Variants in CASP1 observed in about 807,000 individuals in gnomAD.
The protein encoded by CASP1 is caspase-1.
In CASP1, 31 loss-of-function variants were observed where a neutral mutation model predicts 41.2. That is an observed-to-expected ratio of 0.75 (90% CI 0.57 to 1.02). The LOEUF is 1.02. CASP1 is among the 50% of genes least tolerant of loss of function. The pLI, the probability that CASP1 is intolerant of heterozygous loss-of-function variation, is 0.00. For missense variants in CASP1, 490 were observed against 495.7 expected (o/e 0.99, Z 0.11); for synonymous variants, 163 against 166.5 (o/e 0.98, Z 0.16).
Position 105,034,975 on chromosome 11 carries a change from C to G in CASP1, c.7+132G>C, listed in dbSNP as rs183895258. On this transcript the variant is annotated intron_variant, in intron 1 of 8. Transcript: ENST00000533400. ...AGAATCTTCTAGTTCCTTCTCTCCTCCCTCTCCCCCCTTTTCCTTGCTTCT... is the reference window on the plus strand; with the variant it reads ...AGAATCTTCTAGTTCCTTCTCTCCTGCCTCTCCCCCCTTTTCCTTGCTTCT... 8.5e-6 allele frequency: 10 copies of G among 1,177,790 alleles called. No homozygotes were observed. The Admixed American group carries it at 1.1e-4, about 13-fold the overall frequency. 73.0% of individuals were successfully genotyped at this position (1,177,790 alleles called of 1,614,324 possible). A position where few individuals can be genotyped will look rare whatever the true frequency, so the allele number is the denominator to read the frequency against.
At chr11:105,032,933 T>C in intron 3 of CASP1, 131 bp downstream of exon 3, 1 of 632,796 alleles carries the variant, frequency 1.6e-6, no homozygotes, top group Non-Finnish European at 2.8e-6. Context: ...GCAGAATAGA[T>C]TACAAAAAGA....
chr11:105,027,589 G>A (rs987429959), intron 7 of CASP1, among the ~76,000 whole-genome samples: 1 of 152,144 alleles, frequency 6.6e-6, no homozygotes, highest in Middle Eastern at 3.4e-3. Flanking sequence ...TAAGAGAAAA[G>A]CAGCAGCAAT....
At chr11:105,027,864 A>G (rs1810650207) in intron 7 of CASP1, among the ~76,000 whole-genome samples, 1 of 152,118 alleles carries the variant, frequency 6.6e-6, no homozygotes, top group Admixed American at 6.6e-5. Context: ...TGGGATTGGC[A>G]CAGCAGAATG....
At chr11:105,031,319 T>G in intron 3 of CASP1, 39 bp from the exon 4 acceptor site, 1 of 1,193,960 alleles carries the variant, frequency 8.4e-7, no homozygotes, top group Non-Finnish European at 1.2e-6. Context: ...GTGGCATCCC[T>G]GTTTGTTCCA....
intron 3 of CASP1, 97 bp downstream of exon 3, chr11:105,032,966 GA>G: frequency 1.4e-6 from 1 of 735,150 alleles, no homozygotes. Context: ...CAATCTATGA[GA>G]ATTCTCCATA....
chr11:105,031,035 T>G, intron 4 of CASP1, 130 bp downstream of exon 4: 1 of 630,796 alleles, frequency 1.6e-6, no homozygotes, highest in South Asian at 1.9e-5. Context: ...ATCCTTTATG[T>G]AAGGGGAGCA....
At position 105,033,647 on chromosome 11, in the gene CASP1, C is replaced by T. The variant is rs537645619; in HGVS notation, c.275-521G>A. 2.6e-5 allele frequency among the ~76,000 whole-genome samples: 4 copies of T among 152,258 alleles called. No homozygotes were observed. The South Asian group carries it at 8.3e-4, about 32-fold the overall frequency. ...GGTAACAGGCAACCAGGTGATCTTA[C>T]TCAAAGAAAATACAAGGAGGCAACT... On this transcript the variant is annotated intron_variant, in intron 2 of 8. Coordinates refer to ENST00000533400, the MANE Select transcript of CASP1 (RefSeq NM_001257118.3).
Position 105,030,457 on chromosome 11 carries a change from A to G in CASP1, c.500T>C (p.Ile167Thr). ...DKSSRTRLALIICNEEFDSIP... is the reference protein window; with the variant it reads ...DKSSRTRLALTICNEEFDSIP... ...ACTGTCAAATTCTTCATTGCAGATA[A>G]TGAGAGCAAGACGTGTGCGGCTTGA... The change falls in exon 5 of 9, where the codon ATT becomes ACT. Residue 167 changes from isoleucine to threonine, a missense_variant. Physicochemically the swap from Ile to Thr is moderately conservative, Grantham distance 89. Transcript: ENST00000533400. 2.5e-6 allele frequency: 4 copies of G among 1,613,626 alleles called. No individual in the cohort carries two copies. Among genetic ancestry groups the G allele is most frequent in the Non-Finnish European group, 3.4e-6 (4 of 1,179,652 alleles).
In CASP1 at chr11:105,029,702, G is replaced by T. The variant is rs1863552681; in HGVS notation, c.825C>A (p.Asp275Glu). Residue 275 changes from aspartate to glutamate, a missense_variant, in exon 6 of 9, where the codon GAC becomes GAA. Asp to Glu is a conservative substitution (Grantham distance 45, BLOSUM62 2). Coordinates refer to ENST00000533400, the MANE Select transcript of CASP1 (RefSeq NM_001257118.3). ...LNTKNCPSLK[D>E]KPKVIIIQAC... ...CCTGGATGATGATCACCTTCGGTTT[G>T]TCCTTCAAACTTGGGCAGTTCTTGG... 7 of 1,613,584 alleles carry T rather than the reference G, an allele frequency of 4.3e-6. No individual in the cohort carries two copies. The highest frequency in any genetic ancestry group is 5.9e-6 in the Non-Finnish European group (7 of 1,179,660).
Position 105,034,424 on chromosome 11 carries a change from C to T in CASP1, c.58G>A (p.Gly20Ser). ...TCATCCAGTAAGCCATTTATTGTAC[C>T]TTCACCCATGGAACGGATAAACAGC... ...RKLFIRSMGE[G>S]TINGLLDELL... The change falls in exon 2 of 9, where the codon GGT (glycine) becomes AGT (serine). Residue 20 changes from glycine to serine, a missense_variant. Transcript: ENST00000533400. 2.5e-6 allele frequency: 4 copies of T among 1,614,140 alleles called. No homozygotes were observed. The highest frequency in any genetic ancestry group is 2.7e-5 in the African/African-American group (2 of 75,026).
At chr11:105,032,302 G>GA (rs558564511) in intron 3 of CASP1, among the ~76,000 whole-genome samples, 58 of 152,040 alleles carry the variant, frequency 3.8e-4, no homozygotes, top group African/African-American at 1.4e-3. Context: ...GAAAACAATA[G>GA]AAAAAAACTA....
At chr11:105,031,778 C>A (rs541582810) in intron 3 of CASP1, among the ~76,000 whole-genome samples, 2 of 152,058 alleles carry the variant, frequency 1.3e-5, no homozygotes, top group Non-Finnish European at 2.9e-5. Flanking sequence ...TTTAATGAAT[C>A]TTTGTCCTGT....
intron 8 of CASP1, chr11:105,026,587 A>T (rs1863303593): frequency 1.7e-6 from 1 of 600,874 alleles, no homozygotes; most frequent in Admixed American, 3.0e-5. Flanking sequence ...GACACAGGTA[A>T]ATTAGAGTCC....
At chr11:105,027,506 T>G (rs1444399659) in intron 7 of CASP1, among the ~76,000 whole-genome samples, 2 of 151,848 alleles carry the variant, frequency 1.3e-5, no homozygotes, top group Non-Finnish European at 2.9e-5. Context: ...AGAGAAATAT[T>G]AAAGAAAAAT....
rs539454017 is a variant in CASP1 at position 105,025,996 on chromosome 11, T to C, written c.*262A>G. 3.5e-4 allele frequency: 133 copies of C among 376,044 alleles called. No individual in the cohort carries two copies. The highest frequency in any genetic ancestry group is 5.4e-4 in the Non-Finnish European group (111 of 207,232). 23.3% of individuals were successfully genotyped at this position (376,044 alleles called of 1,614,324 possible). On this transcript the variant is annotated 3_prime_UTR_variant, in exon 9 of 9. Transcript: ENST00000533400. ...TTTTGTATATTGGAATTCAGCTGTA[T>C]ACTTACTGGTTTAGCATCCCTAATC...
At chr11:105,035,269 C>T (rs1591209024), upstream of CASP1, 12 of 1,027,774 alleles carry the variant, frequency 1.2e-5, no homozygotes, top group Non-Finnish European at 1.8e-5. Flanking sequence ...CTGTAGCCTG[C>T]ATCAGGTAGT....
chr11:105,033,988 A>C, intron 2 of CASP1: 1 of 839,380 alleles, frequency 1.2e-6, no homozygotes, highest in Non-Finnish European at 2.0e-6. Flanking sequence ...ACATACTCAG[A>C]ACAGGAAATG....
intron 2 of CASP1, 117 bp downstream of exon 2, chr11:105,034,091 G>T (rs1420924081): frequency 1.3e-6 from 2 of 1,544,926 alleles, no homozygotes; most frequent in African/African-American, 1.4e-5. Context: ...CAGAAATATG[G>T]CCCTGAAGCC....
intron 2 of CASP1, 157 bp downstream of exon 2, chr11:105,034,051 G>C: frequency 8.4e-7 from 1 of 1,194,844 alleles, no homozygotes; most frequent in Non-Finnish European, 1.2e-6. Flanking sequence ...TCAAAGGAGA[G>C]TCAAGGGACA....
Sources: allele counts gnomAD v4.1 joint callset (sites outside exome capture counted in the v4.1 genomes callset), GRCh38; gene constraint gnomAD v4.1.1; transcripts MANE v1.5; gene names NCBI Gene and HGNC (gene_info 2026-07-23, HGNC 2026-07-21).